Variants in NOTCH2NLB observed in about 807,000 individuals in gnomAD.
The protein encoded by NOTCH2NLB is notch 2 N-terminal like B, also known as notch homolog 2 N-terminal-like protein B.
Under a neutral mutation model 14.8 loss-of-function variants are expected in NOTCH2NLB, and 1 was observed. The ratio of observed to expected loss-of-function variants is 0.07; its 90% CI spans 0.02 to 0.32. The LOEUF (loss-of-function observed/expected upper bound fraction) is 0.32. Among genes scored for constraint, NOTCH2NLB ranks in the 10% least tolerant of loss-of-function variants. NOTCH2NLB has a pLI of 1.00. For missense variants in NOTCH2NLB, 11 were observed against 155.0 expected (o/e 0.07, Z 4.93); for synonymous variants, 6 against 57.5 (o/e 0.10, Z 4.05).
chr1:148,660,396 C>T (rs1327778803), intron 1 of NOTCH2NLB, among the ~76,000 whole-genome samples: 4 of 131,354 alleles, frequency 3.0e-5, no homozygotes, highest in South Asian at 2.7e-4. Flanking sequence ...TCTAAATATA[C>T]CTTCCAAGGG....
chr1:148,610,892 CAAAAAAAAAAA>C (rs1213221121), intron 3 of NOTCH2NLB, among the ~76,000 whole-genome samples: 1 of 34,322 alleles, frequency 2.9e-5, no homozygotes, highest in African/African-American at 1.6e-4. Context: ...TACTCCATCT[CAAAAAAAAAAA>C]AAAAAAAAAA....
intron 3 of NOTCH2NLB, among the ~76,000 whole-genome samples, chr1:148,613,146 A>G (rs1322855204): frequency 1.3e-5 from 2 of 148,916 alleles, no homozygotes; most frequent in Non-Finnish European, 3.0e-5. Context: ...ACTTCACATC[A>G]GCATTTAAGT....
intron 2 of NOTCH2NLB, among the ~76,000 whole-genome samples, chr1:148,628,606 T>C (rs1664039878): frequency 5.8e-5 from 1 of 17,206 alleles, no homozygotes; most frequent in Non-Finnish European, 9.0e-5. Context: ...TCCTAATGAG[T>C]TATGTAATAA....
chr1:148,609,258 A>C, intron 3 of NOTCH2NLB, among the ~76,000 whole-genome samples: 1 of 88,004 alleles, frequency 1.1e-5, no homozygotes, highest in Admixed American at 1.2e-4. Flanking sequence ...CCACCACCCC[A>C]CGACAGGCCC....
At chr1:148,616,771 AC>A (rs1320094263) in intron 2 of NOTCH2NLB, among the ~76,000 whole-genome samples, 2 of 76,418 alleles carry the variant, frequency 2.6e-5, no homozygotes, top group Non-Finnish European at 5.8e-5. Context: ...GCACTGAGGA[AC>A]CTTTTTACAT....
intron 2 of NOTCH2NLB, among the ~76,000 whole-genome samples, chr1:148,636,941 A>C (rs1387830609): frequency 1.4e-5 from 2 of 145,720 alleles, no homozygotes; most frequent in African/African-American, 2.6e-5. Context: ...TCTTTCTCTC[A>C]AGGAGTTTGT....
Position 148,638,639 on chromosome 1 carries a change from T to C in NOTCH2NLB, c.77+1377A>G, listed in dbSNP as rs1339677304. Among the ~76,000 whole-genome samples, 3 of 149,404 alleles carry C rather than the reference T, an allele frequency of 2.0e-5. 1 individual carries two copies. The highest frequency in any genetic ancestry group is 1.3e-4 in the Admixed American group (2 of 15,098). On this transcript the variant is annotated intron_variant, in intron 2 of 4. Transcript: ENST00000593495. ...AAACCTTTATTTCCAATGTTATCTTTACTCCAATCCAAACAACCTATTGTT... is the reference window on the plus strand; with the variant it reads ...AAACCTTTATTTCCAATGTTATCTTCACTCCAATCCAAACAACCTATTGTT...
downstream of NOTCH2NLB, among the ~76,000 whole-genome samples, chr1:148,605,151 G>A (rs1227728052): frequency 2.5e-4 from 34 of 135,004 alleles, 1 homozygote; most frequent in Non-Finnish European, 4.5e-4. Context: ...GCAATGTGGC[G>A]CAGTAAGATG....
intron 1 of NOTCH2NLB, among the ~76,000 whole-genome samples, chr1:148,651,144 GAA>G (rs1159790526): frequency 0.014 from 1,069 of 75,756 alleles, 6 homozygotes; most frequent in Middle Eastern, 0.029. Context: ...CTCTGCCTGA[GAA>G]AAAAAAAAAA....
rs1663775736 is a variant in NOTCH2NLB at position 148,615,193 on chromosome 1, G to A, written c.337+498C>T. Among the ~76,000 whole-genome samples the A allele has an allele frequency of 1.5e-5, 2 of 132,944 alleles. 1 individual carries two copies. Among genetic ancestry groups the A allele is most frequent in the Middle Eastern group, 8.2e-3 (2 of 244 alleles). 87.2% of individuals were successfully genotyped at this position (132,944 alleles called of 152,430 possible). A position where few individuals can be genotyped will look rare whatever the true frequency, so the allele number is the denominator to read the frequency against. On this transcript the variant is annotated intron_variant, in intron 3 of 4. Transcript: ENST00000593495. ...TCTGTCACCCAGGCTAGAGTGCAGT[G>A]GTGCGATCATAGCTCACTGCAGCCT...
intron 1 of NOTCH2NLB, among the ~76,000 whole-genome samples, chr1:148,673,784 T>C (rs1431752519): frequency 6.7e-6 from 1 of 148,570 alleles, no homozygotes; most frequent in African/African-American, 2.4e-5. Flanking sequence ...CTGTCTCTAA[T>C]ACTCTCAAAA....
chr1:148,703,221 C>T, the NOTCH2NLB span, among the ~76,000 whole-genome samples: 20 of 90,140 alleles, frequency 2.2e-4, no homozygotes, highest in Middle Eastern at 7.4e-3. Flanking sequence ...ACCCAGGAGG[C>T]GGAGCTTGCA....
At chr1:148,645,868 C>A (rs1355009459) in intron 1 of NOTCH2NLB, among the ~76,000 whole-genome samples, 1 of 150,584 alleles carries the variant, frequency 6.6e-6, no homozygotes, top group African/African-American at 2.4e-5. Context: ...GAAAACATTT[C>A]GTCTTTTCTG....
chr1:148,609,094 A>T (rs1284214693), intron 3 of NOTCH2NLB, among the ~76,000 whole-genome samples: 11 of 135,646 alleles, frequency 8.1e-5, no homozygotes, highest in Admixed American at 4.3e-4. Flanking sequence ...TCCTTGAATT[A>T]TTATTATTAT....
the NOTCH2NLB span, among the ~76,000 whole-genome samples, chr1:148,707,781 C>CA: frequency 1.5e-3 from 203 of 136,014 alleles, 1 homozygote; most frequent in African/African-American, 3.4e-3. Flanking sequence ...GACCCCCTCT[C>CA]AAAAAAAAAA....
At chr1:148,670,487 ATG>A (rs1206592342) in intron 1 of NOTCH2NLB, among the ~76,000 whole-genome samples, 1 of 138,330 alleles carries the variant, frequency 7.2e-6, no homozygotes, top group African/African-American at 2.5e-5. Flanking sequence ...ATAGTATATT[ATG>A]TGTGTGTGCA....
rs1420179236 is a variant in NOTCH2NLB, at chr1:148,638,040, C to T, written c.77+1976G>A. On this transcript the variant is annotated intron_variant, in intron 2 of 4. Transcript: ENST00000593495. ...CAAGTCTTTCCTACTGTAAATAGTG[C>T]TGAAGTAAACACACATGTGCATGTG... 6.1e-5 allele frequency among the ~76,000 whole-genome samples: 9 copies of T among 148,384 alleles called. 1 individual carries two copies. Among genetic ancestry groups the T allele is most frequent in the Admixed American group, 3.3e-4 (5 of 15,006 alleles).
chr1:148,625,339 CTTT>C (rs1156615359), intron 2 of NOTCH2NLB, among the ~76,000 whole-genome samples: 3 of 59,850 alleles, frequency 5.0e-5, no homozygotes, highest in Non-Finnish European at 6.2e-5. Flanking sequence ...CTGTCTTTAG[CTTT>C]TTTTTTTTTT....
chr1:148,712,424 T>C, the NOTCH2NLB span, among the ~76,000 whole-genome samples: 3 of 152,154 alleles, frequency 2.0e-5, no homozygotes, highest in Non-Finnish European at 4.4e-5. Flanking sequence ...ATTCAGCAAC[T>C]TACCAGCTGC....
Sources: gnomAD v4.1 joint callset for allele counts (sites outside exome capture counted in the v4.1 genomes callset) on GRCh38, gnomAD v4.1.1 for gene constraint, MANE v1.5 for transcripts, NCBI Gene and HGNC (gene_info 2026-07-23, HGNC 2026-07-21) for gene names.